Variants in CLTCL1 observed in about 807,000 individuals in gnomAD.
CLTCL1 encodes clathrin heavy chain like 1, also known as clathrin heavy chain 2.
CLTCL1 carries 159 observed loss-of-function variants against 190.0 expected under a neutral mutation model. That is an observed-to-expected ratio of 0.84 (90% CI 0.74 to 0.95). The LOEUF (loss-of-function observed/expected upper bound fraction) is 0.95, where lower values mean the gene tolerates loss of function less well. Among genes scored for constraint, CLTCL1 ranks in the 40% least tolerant of loss-of-function variants. CLTCL1 has a pLI of 0.00. For missense variants in CLTCL1, 1,878 were observed against 2,033.4 expected (o/e 0.92, Z 1.47); for synonymous variants, 752 against 769.6 (o/e 0.98, Z 0.38).
In CLTCL1 at chr22:19,234,737, G is replaced by A. The variant is rs139050308; in HGVS notation, c.970-31C>T. ...AGGACACAACAAGTGAGAGCAGCCC[G>A]GCCTAGAAGAGTGCTCCACCATCCC... On this transcript the variant is annotated intron_variant, in intron 6 of 32. Transcript: ENST00000427926. 2.7e-4 allele frequency: 427 copies of A among 1,579,732 alleles called. 3 individuals are homozygous for A. The African/African-American group carries it at 4.4e-3, about 16-fold the overall frequency.
intron 27 of CLTCL1, among the ~76,000 whole-genome samples, chr22:19,190,892 C>T (rs886226579): frequency 6.6e-6 from 1 of 151,962 alleles, no homozygotes; most frequent in Non-Finnish European, 1.5e-5. Flanking sequence ...ATTCTCCTGC[C>T]TCAGCCTCCC....
Position 19,196,578 on chromosome 22 carries a change from T to A in CLTCL1, c.3952A>T (p.Thr1318Ser). Residue 1318 changes from threonine (T) to serine (S), a missense_variant, in exon 25 of 33, where the codon ACT becomes TCT. Physicochemically the swap from Thr to Ser is moderately conservative, Grantham distance 58 (BLOSUM62 1). Coordinates refer to ENST00000427926, the MANE Select transcript of CLTCL1 (RefSeq NM_007098.4). The stretch of plus-strand genomic sequence containing the variant: ...TTGGAGTAGAGGATGGCCAGCTCAG[T>A]GAACATGCCCATGTGGGCCCGCTCC... ...GLERAHMGMFTELAILYSKFK... is the reference protein window; with the variant it reads ...GLERAHMGMFSELAILYSKFK... 1 of 1,613,864 alleles carries A rather than the reference T, an allele frequency of 6.2e-7. No homozygotes were observed. Among genetic ancestry groups the A allele is most frequent in the Non-Finnish European group, 8.5e-7 (1 of 1,179,824 alleles).
At chr22:19,181,150 C>T (rs1008907665) in intron 30 of CLTCL1, 3 of 295,482 alleles carry the variant, frequency 1.0e-5, no homozygotes, top group African/African-American at 2.1e-5. Flanking sequence ...TGCCACTTAC[C>T]GACCTGCAGG....
chr22:19,268,932 A>T (rs2087210279), intron 2 of CLTCL1, among the ~76,000 whole-genome samples: 1 of 152,156 alleles, frequency 6.6e-6, no homozygotes, highest in South Asian at 2.1e-4. Context: ...TCTACTAAAA[A>T]TACAAAAATT....
chr22:19,266,370 T>A (rs1555977959), intron 2 of CLTCL1, among the ~76,000 whole-genome samples: 3 of 152,106 alleles, frequency 2.0e-5, no homozygotes, highest in African/African-American at 7.2e-5. Flanking sequence ...TTACCAAAAC[T>A]GACACAAGAA....
intron 2 of CLTCL1, among the ~76,000 whole-genome samples, chr22:19,273,287 G>C (rs1265516673): frequency 6.6e-6 from 1 of 152,134 alleles, no homozygotes; most frequent in Non-Finnish European, 1.5e-5. Flanking sequence ...TACTGCTACA[G>C]AATTAGCAGT....
chr22:19,209,198 C>A, intron 20 of CLTCL1, 84 bp from the exon 21 acceptor site: 1 of 1,216,936 alleles, frequency 8.2e-7, no homozygotes, highest in South Asian at 1.6e-5. Flanking sequence ...GTTTCCTGTT[C>A]TGCCTAAAGC....
At chr22:19,194,561 G>A (rs1414714323) in intron 26 of CLTCL1, among the ~76,000 whole-genome samples, 1 of 152,242 alleles carries the variant, frequency 6.6e-6, no homozygotes, top group Non-Finnish European at 1.5e-5. Context: ...TAGCTGGTTG[G>A]CGTGCTGTGC....
chr22:19,232,138 C>T (rs1265046584), intron 10 of CLTCL1, among the ~76,000 whole-genome samples: 4 of 152,112 alleles, frequency 2.6e-5, no homozygotes, highest in African/African-American at 9.7e-5. Context: ...GGTGCTCAGG[C>T]CAATGGTCAG....
At chr22:19,192,326 A>G (rs917258831) in intron 26 of CLTCL1, among the ~76,000 whole-genome samples, 7 of 151,860 alleles carry the variant, frequency 4.6e-5, no homozygotes, top group Non-Finnish European at 1.0e-4. Flanking sequence ...CAGCCTCCCA[A>G]AGTGCTGGGA....
chr22:19,199,024 C>T (rs1235973119), intron 24 of CLTCL1, among the ~76,000 whole-genome samples: 1 of 152,160 alleles, frequency 6.6e-6, no homozygotes, highest in Admixed American at 6.5e-5. Flanking sequence ...AATATCTGGA[C>T]ACTCTGGCGC....
At position 19,266,122 on chromosome 22, in the gene CLTCL1, A is replaced by T. The variant is rs546702713; in HGVS notation, c.250+9501T>A. Reference sequence around the variant, plus strand: ...GGTCTTGAACTTCTGGTCCCAAGTGATCCTGTCACTTCAGACTCCCAAAGT... The same window carrying T: ...GGTCTTGAACTTCTGGTCCCAAGTGTTCCTGTCACTTCAGACTCCCAAAGT... On this transcript the variant is annotated intron_variant, in intron 2 of 32. Coordinates refer to ENST00000427926, the MANE Select transcript of CLTCL1 (RefSeq NM_007098.4). 3.3e-5 allele frequency among the ~76,000 whole-genome samples: 5 copies of T among 152,238 alleles called. No individual in the cohort carries two copies. The East Asian group carries it at 9.6e-4, about 29-fold the overall frequency.
At chr22:19,277,587 A>G (rs1196806822) in intron 1 of CLTCL1, among the ~76,000 whole-genome samples, 2 of 152,232 alleles carry the variant, frequency 1.3e-5, no homozygotes, top group Non-Finnish European at 2.9e-5. Flanking sequence ...GAACTTGCCA[A>G]TTGATATTGC....
chr22:19,234,594 T>C lies in CLTCL1; in HGVS notation c.1082A>G (p.Glu361Gly), dbSNP rs2086019939. The C allele has an allele frequency of 5.0e-6, 8 of 1,614,042 alleles. No homozygotes were observed. The highest frequency in any genetic ancestry group is 6.8e-6 in the Non-Finnish European group (8 of 1,179,896). Residue 361 changes from glutamate (E) to glycine (G), a missense_variant, in exon 7 of 33, where the codon GAG (glutamate) becomes GGG (glycine). Physicochemically the swap from Glu to Gly is moderately conservative, Grantham distance 98 (BLOSUM62 -2). Transcript: ENST00000427926. Reference protein sequence around the residue: ...LAVRSNLAGAEKLFVRKFNTL... With the variant: ...LAVRSNLAGAGKLFVRKFNTL... ...ATTGAATTTTCTCACAAACAACTTCTCTGCCCCAGCCAGGTTACTACGAAC... is the reference window on the plus strand; with the variant it reads ...ATTGAATTTTCTCACAAACAACTTCCCTGCCCCAGCCAGGTTACTACGAAC...
intron 19 of CLTCL1, among the ~76,000 whole-genome samples, chr22:19,211,546 A>G (rs974507700): frequency 1.3e-5 from 2 of 152,114 alleles, no homozygotes; most frequent in African/African-American, 4.8e-5. Context: ...AGGCGGGTGG[A>G]TCACAAGGTC....
At chr22:19,183,279 A>C in intron 30 of CLTCL1, 111 bp downstream of exon 30, 1 of 868,478 alleles carries the variant, frequency 1.2e-6, no homozygotes, top group Non-Finnish European at 1.8e-6. Flanking sequence ...TGGCTGGGGA[A>C]TCTGGGTTGG....
chr22:19,182,143 G>C (rs1486909846), intron 30 of CLTCL1: 1 of 152,230 alleles, frequency 6.6e-6, no homozygotes, highest in Non-Finnish European at 1.5e-5. Flanking sequence ...CCTTGTGCTG[G>C]TTCTCAGAAC....
chr22:19,270,002 CAA>C (rs1485802991), intron 2 of CLTCL1, among the ~76,000 whole-genome samples: 1 of 150,080 alleles, frequency 6.7e-6, no homozygotes, highest in Non-Finnish European at 1.5e-5. Flanking sequence ...TATGTCCACA[CAA>C]AGACTTGTCA....
intron 3 of CLTCL1, among the ~76,000 whole-genome samples, chr22:19,243,512 G>A (rs782716525): frequency 3.3e-5 from 5 of 152,012 alleles, no homozygotes; most frequent in South Asian, 2.1e-4. Flanking sequence ...TTAGCTACTC[G>A]GGAGGCCAAG....
Sources: allele counts gnomAD v4.1 joint callset (sites outside exome capture counted in the v4.1 genomes callset), GRCh38; gene constraint gnomAD v4.1.1; transcripts MANE v1.5; gene names NCBI Gene and HGNC (gene_info 2026-07-23, HGNC 2026-07-21).